TACC1: variants seen among roughly 807,000 people sequenced by gnomAD.
TACC1 encodes the protein transforming acidic coiled-coil containing protein 1, also known as transforming acidic coiled-coil-containing protein 1.
A neutral mutation model predicts 84.4 loss-of-function variants in TACC1; 48 were observed. The ratio of observed to expected loss-of-function variants is 0.57; its 90% CI spans 0.45 to 0.72. The LOEUF (loss-of-function observed/expected upper bound fraction) is 0.72. Among genes scored for constraint, TACC1 ranks in the 30% least tolerant of loss-of-function variants. TACC1 has a pLI of 0.00. For synonymous variants in TACC1, 372 were observed against 376.3 expected (o/e 0.99, Z 0.13); for missense variants, 920 against 973.0 (o/e 0.95, Z 0.72).
At chr8:38,785,015 T>C (rs1816843849), upstream of TACC1, among the ~76,000 whole-genome samples, 1 of 151,902 alleles carries the variant, frequency 6.6e-6, no homozygotes, top group South Asian at 2.1e-4. Flanking sequence ...GTGTTCTTTA[T>C]GGATGTTCGG....
intron 3 of TACC1, among the ~76,000 whole-genome samples, chr8:38,776,297 G>A (rs1157766104): frequency 6.6e-6 from 1 of 152,074 alleles, no homozygotes; most frequent in Non-Finnish European, 1.5e-5. Context: ...AAGTCATTAC[G>A]GCAGAAGGAA....
chr8:38,827,255 TGTG>T lies in TACC1; in HGVS notation c.1543_1545del (p.Gly515del). On this transcript the variant is annotated inframe_deletion, in exon 5 of 13. Coordinates refer to ENST00000317827, the MANE Select transcript of TACC1 (RefSeq NM_006283.3). ...TGAGGAGAAACTGGCATCCACGTCA[TGTG>T]GTCAGAAATCAGCTGGTGCCGAGGT... 6.2e-7 allele frequency: 1 copy of T among 1,614,206 alleles called. No individual in the cohort carries two copies.
intron 2 of TACC1, among the ~76,000 whole-genome samples, chr8:38,793,201 T>C (rs1193901906): frequency 6.6e-6 from 1 of 152,190 alleles, no homozygotes; most frequent in Non-Finnish European, 1.5e-5. Context: ...TCTGGACTTT[T>C]CCCCAGAATA....
At chr8:38,790,238 C>T (rs891806475) in intron 2 of TACC1, among the ~76,000 whole-genome samples, 45 of 152,206 alleles carry the variant, frequency 3.0e-4, no homozygotes, top group African/African-American at 1.0e-3. Context: ...TCTTACCGTG[C>T]CCTTCCTGTG....
intron 1 of TACC1, among the ~76,000 whole-genome samples, chr8:38,736,473 G>A (rs527963572): frequency 1.3e-4 from 20 of 151,996 alleles, no homozygotes; most frequent in Non-Finnish European, 1.8e-4. Flanking sequence ...AAAATTACCC[G>A]GGCATGGTAG....
chr8:38,757,334 T>A (rs1271462342), intron 3 of TACC1: 12 of 1,267,196 alleles, frequency 9.5e-6, no homozygotes, highest in Non-Finnish European at 1.2e-5. Flanking sequence ...TTCTGCGCCA[T>A]GGGAGGCTCC....
At chr8:38,793,377 A>G (rs1819211797) in intron 2 of TACC1, among the ~76,000 whole-genome samples, 1 of 152,170 alleles carries the variant, frequency 6.6e-6, no homozygotes, top group Non-Finnish European at 1.5e-5. Context: ...ATGGCCCTGA[A>G]CAGAAGAATG....
At chr8:38,760,579 T>C (rs983660149) in intron 3 of TACC1, among the ~76,000 whole-genome samples, 4 of 152,202 alleles carry the variant, frequency 2.6e-5, no homozygotes, top group Admixed American at 6.5e-5. Flanking sequence ...TTGCCCAGGC[T>C]GGAGTGCAGT....
At chr8:38,773,402 T>C (rs1256201531) in intron 3 of TACC1, among the ~76,000 whole-genome samples, 1 of 148,218 alleles carries the variant, frequency 6.7e-6, no homozygotes, top group Non-Finnish European at 1.5e-5. Flanking sequence ...TAATATAATA[T>C]AAATTTTTAT....
chr8:38,820,316 A>C lies in TACC1; in HGVS notation c.1072A>C (p.Ile358Leu). ...TLTPKIQKDG[I>L]SKSAGLEQPT... ...GACTCCCAAGATACAAAAAGATGGC[A>C]TCAGTAAGTCAGCAGGTTTAGAACA... The change falls in exon 3 of 13, where the codon ATC becomes CTC. Residue 358 changes from isoleucine (I) to leucine (L), a missense_variant. Ile to Leu is a conservative substitution (Grantham distance 5, BLOSUM62 2). This residue lies in a region of TACC1 where 762 missense variants were observed against 747.3 expected (regional missense o/e 1.02). Transcript: ENST00000317827. 1 of 1,614,220 alleles carries C rather than the reference A, an allele frequency of 6.2e-7. No homozygotes were observed. The highest frequency in any genetic ancestry group is 8.5e-7 in the Non-Finnish European group (1 of 1,180,046).
At chr8:38,836,027 G>A in intron 6 of TACC1, 135 bp from the exon 7 acceptor site, 1 of 1,193,102 alleles carries the variant, frequency 8.4e-7, no homozygotes, top group Non-Finnish European at 1.1e-6. Flanking sequence ...TTTTTAAAAA[G>A]CTTCCCCCCG....
intron 3 of TACC1, among the ~76,000 whole-genome samples, chr8:38,758,613 A>G (rs1810578222): frequency 7.9e-6 from 1 of 125,994 alleles, no homozygotes; most frequent in Non-Finnish European, 1.6e-5. Context: ...CAGAAGGCGG[A>G]GGTTGTGGTG....
intron 6 of TACC1, 24 bp downstream of exon 6, chr8:38,831,201 C>T (rs752144627): frequency 5.6e-6 from 9 of 1,613,288 alleles, no homozygotes; most frequent in Admixed American, 3.3e-5. Flanking sequence ...TGTGGAGGGC[C>T]GGGTGGACTC....
At chr8:38,741,136 T>TA (rs1048137831) in intron 1 of TACC1, among the ~76,000 whole-genome samples, 16 of 152,058 alleles carry the variant, frequency 1.1e-4, no homozygotes, top group East Asian at 5.8e-4. Flanking sequence ...CCAGGGCATT[T>TA]AAAAAAATAC....
intron 3 of TACC1, among the ~76,000 whole-genome samples, chr8:38,762,573 G>C (rs1291846616): frequency 6.9e-6 from 1 of 144,538 alleles, no homozygotes; most frequent in African/African-American, 2.6e-5. Context: ...GTTTTTTTTG[G>C]GGGGACAGAG....
At chr8:38,783,090 C>CTATA (rs1816398391), upstream of TACC1, among the ~76,000 whole-genome samples, 3 of 111,896 alleles carry the variant, frequency 2.7e-5, no homozygotes, top group Admixed American at 8.6e-5. Context: ...ATCTATCTAT[C>CTATA]TATCTATCTA....
At chr8:38,823,629 G>T (rs947067811) in intron 3 of TACC1, among the ~76,000 whole-genome samples, 4 of 152,104 alleles carry the variant, frequency 2.6e-5, no homozygotes, top group African/African-American at 9.7e-5. Flanking sequence ...TGAACTTCTT[G>T]ATCTAATACA....
At chr8:38,788,651 G>A (rs1817896206) in intron 1 of TACC1, 53 bp from the exon 2 acceptor site, 1 of 1,341,056 alleles carries the variant, frequency 7.5e-7, no homozygotes, top group East Asian at 2.3e-5. Context: ...GATTTCAAAG[G>A]GTGTCGGAAA....
intron 3 of TACC1, among the ~76,000 whole-genome samples, chr8:38,824,428 C>T (rs952167403): frequency 1.3e-5 from 2 of 152,168 alleles, no homozygotes; most frequent in Admixed American, 6.5e-5. Context: ...ACTGAGTCAG[C>T]TCAACTTGAG....
Sources: allele counts gnomAD v4.1 joint callset (sites outside exome capture counted in the v4.1 genomes callset), GRCh38; gene constraint gnomAD v4.1.1; regional missense constraint gnomAD v4.1.1; transcripts MANE v1.5; gene names NCBI Gene and HGNC (gene_info 2026-07-23, HGNC 2026-07-21).